STXBP5: variants seen among roughly 807,000 people sequenced by gnomAD.
STXBP5 encodes the protein syntaxin binding protein 5.
STXBP5 carries 50 observed loss-of-function variants against 152.4 expected under a neutral mutation model. That is an observed-to-expected ratio of 0.33 (90% CI 0.26 to 0.42). The LOEUF (loss-of-function observed/expected upper bound fraction) is 0.42. Among genes scored for constraint, STXBP5 ranks in the 10% least tolerant of loss-of-function variants. The probability of loss-of-function intolerance (pLI) is 1.00; values close to 1 mark genes in which losing one functional copy is unlikely to be tolerated. For synonymous variants in STXBP5, 492 were observed against 494.7 expected (o/e 0.99, Z 0.07); for missense variants, 1,167 against 1,388.6 (o/e 0.84, Z 2.54).
intron 25 of STXBP5, among the ~76,000 whole-genome samples, chr6:147,370,448 T>A (rs1785487806): frequency 6.6e-6 from 1 of 152,110 alleles, no homozygotes; most frequent in South Asian, 2.1e-4. Context: ...TTCAGGACTT[T>A]TAATTGTCAT....
chr6:147,318,129 A>G (rs1782733299), intron 16 of STXBP5, among the ~76,000 whole-genome samples: 1 of 152,208 alleles, frequency 6.6e-6, no homozygotes, highest in African/African-American at 2.4e-5. Context: ...GAGATCCAGC[A>G]GTATAAAACA....
At chr6:147,311,769 A>G (rs189583405) in intron 11 of STXBP5, among the ~76,000 whole-genome samples, 3 of 152,188 alleles carry the variant, frequency 2.0e-5, no homozygotes, top group African/African-American at 4.8e-5. Flanking sequence ...ACATGATTCA[A>G]CCTGACACTT....
intron 18 of STXBP5, among the ~76,000 whole-genome samples, chr6:147,330,246 A>G (rs1288270118): frequency 2.0e-5 from 3 of 152,174 alleles, no homozygotes; most frequent in Admixed American, 6.5e-5. Context: ...TTTGCTGGTC[A>G]TTTTATCATT....
chr6:147,236,772 TTCTG>T lies in STXBP5; in HGVS notation c.330+1445_330+1448del, dbSNP rs1236675101. Among the ~76,000 whole-genome samples, 102 of 151,448 alleles carry T rather than the reference TTCTG, an allele frequency of 6.7e-4. 1 individual carries two copies. Among genetic ancestry groups the T allele is most frequent in the African/African-American group, 2.4e-3 (99 of 41,158 alleles). ...TCAGTCCCTGGCAACTATTAACCTG[TTCTG>T]TCTTTTTTTTTTTTTTTTTTGAGAT... On this transcript the variant is annotated intron_variant, in intron 3 of 27. Coordinates refer to ENST00000321680, the MANE Select transcript of STXBP5 (RefSeq NM_001127715.4).
rs543319455 is a variant in STXBP5 at position 147,351,017 on chromosome 6, A to G, written c.2255-2306A>G. Among the ~76,000 whole-genome samples the G allele has an allele frequency of 5.9e-5, 9 of 152,286 alleles. No homozygotes were observed. In the South Asian group the frequency reaches 1.9e-3, roughly 32 times the overall value. On this transcript the variant is annotated intron_variant, in intron 21 of 27. Coordinates refer to ENST00000321680, the MANE Select transcript of STXBP5 (RefSeq NM_001127715.4). Reference sequence around the variant, plus strand: ...CCACTATACTTATTCTTCCACGTTTATTGAGGCTTGTTCACAAAATGTTTT... The same window carrying G: ...CCACTATACTTATTCTTCCACGTTTGTTGAGGCTTGTTCACAAAATGTTTT...
At chr6:147,243,135 G>C (rs537114950) in intron 4 of STXBP5, among the ~76,000 whole-genome samples, 4 of 152,222 alleles carry the variant, frequency 2.6e-5, no homozygotes, top group African/African-American at 9.6e-5. Flanking sequence ...TCATATGCTA[G>C]ACTATCTTTG....
Position 147,278,086 on chromosome 6 carries a change from C to G in STXBP5, c.720C>G (p.Ile240Met). Residue 240 changes from isoleucine to methionine, a missense_variant, in exon 8 of 28, where the codon ATC becomes ATG. Physicochemically the swap from Ile to Met is conservative, Grantham distance 10. Around this residue, in one of 3 missense-constraint regions of STXBP5, gnomAD observed 310 missense variants for 346.1 expected, o/e 0.90. Coordinates refer to ENST00000321680, the MANE Select transcript of STXBP5 (RefSeq NM_001127715.4). ...ADYRYTYDEAIHSVAWHHEGK... is the reference protein window; with the variant it reads ...ADYRYTYDEAMHSVAWHHEGK... ...TATTTTTCATCCTTCTATAGGCTAT[C>G]CACTCTGTTGCTTGGCATCATGAAG... is the stretch of plus-strand genomic sequence containing the variant. 1 of 1,610,920 alleles carries G rather than the reference C, an allele frequency of 6.2e-7. No homozygotes were observed. The highest frequency in any genetic ancestry group is 8.5e-7 in the Non-Finnish European group (1 of 1,177,912).
chr6:147,241,567 T>C (rs1165391351), intron 4 of STXBP5, among the ~76,000 whole-genome samples: 3 of 152,216 alleles, frequency 2.0e-5, no homozygotes, highest in African/African-American at 7.2e-5. Context: ...GTATATATGA[T>C]GGTGGTCCCA....
intron 13 of STXBP5, 61 bp downstream of exon 13, chr6:147,314,392 C>A: frequency 6.8e-7 from 1 of 1,460,010 alleles, no homozygotes; most frequent in Non-Finnish European, 9.6e-7. Context: ...TTGATTGAGA[C>A]TACATGAATG....
chr6:147,328,612 A>G (rs1783394584), intron 18 of STXBP5: 1 of 378,540 alleles, frequency 2.6e-6, no homozygotes, highest in Non-Finnish European at 5.4e-6. Flanking sequence ...GTCATGTAAT[A>G]TCTTCAGCAG....
intron 2 of STXBP5, among the ~76,000 whole-genome samples, chr6:147,212,334 G>C (rs181963029): frequency 6.6e-5 from 10 of 152,228 alleles, no homozygotes; most frequent in Admixed American, 2.0e-4. Context: ...TTTGTTTTCT[G>C]TTTGGTTTTC....
At chr6:147,236,466 C>T (rs1241315395) in intron 3 of STXBP5, among the ~76,000 whole-genome samples, 1 of 152,094 alleles carries the variant, frequency 6.6e-6, no homozygotes, top group African/African-American at 2.4e-5. Context: ...CTTCTTTTAG[C>T]TTCTCCCAAT....
intron 25 of STXBP5, among the ~76,000 whole-genome samples, chr6:147,365,756 T>C (rs531053356): frequency 8.5e-4 from 129 of 152,318 alleles, no homozygotes; most frequent in Non-Finnish European, 1.4e-3. Flanking sequence ...TTGAAGACTA[T>C]GATGAACTTG....
intron 13 of STXBP5, 74 bp from the exon 14 acceptor site, chr6:147,314,522 T>C: frequency 1.3e-6 from 2 of 1,497,702 alleles, no homozygotes; most frequent in Non-Finnish European, 9.1e-7. Context: ...TGTTGACTTT[T>C]TAATAGCAGT....
At chr6:147,312,118 A>G (rs780126363) in intron 11 of STXBP5, among the ~76,000 whole-genome samples, 1 of 152,160 alleles carries the variant, frequency 6.6e-6, no homozygotes, top group Non-Finnish European at 1.5e-5. Flanking sequence ...GTCTTCTCCT[A>G]TGTAATTCCC....
chr6:147,235,147 A>G (rs1778206837), intron 2 of STXBP5, 103 bp from the exon 3 acceptor site: 5 of 916,942 alleles, frequency 5.5e-6, no homozygotes, highest in South Asian at 1.6e-5. Context: ...AATGGCCTGT[A>G]TTGAATATGA....
intron 18 of STXBP5, 87 bp downstream of exon 18, chr6:147,327,363 T>C: frequency 6.9e-7 from 1 of 1,442,524 alleles, no homozygotes; most frequent in African/African-American, 1.4e-5. Flanking sequence ...TATAGTTAGG[T>C]AAATAGCTTG....
chr6:147,315,407 TGTA>T lies in STXBP5; in HGVS notation c.1403-105_1403-103del, dbSNP rs771101928. On this transcript the variant is annotated intron_variant, in intron 14 of 27. Coordinates refer to ENST00000321680, the MANE Select transcript of STXBP5 (RefSeq NM_001127715.4). ...CGTAAATTGAGAAATGAAAATATGA[TGTA>T]GTTAAATATGGACCATTTTCTATAC... 1.2e-3 allele frequency: 811 copies of T among 656,728 alleles called. 3 individuals are homozygous for T. Among genetic ancestry groups the T allele is most frequent in the Non-Finnish European group, 1.5e-3 (576 of 394,926 alleles). The allele number at this position is 656,728 out of a possible 1,614,324, so 40.7% of individuals were successfully genotyped here.
chr6:147,305,166 A>G (rs1304829893), intron 9 of STXBP5, among the ~76,000 whole-genome samples: 1 of 152,220 alleles, frequency 6.6e-6, no homozygotes, highest in Non-Finnish European at 1.5e-5. Flanking sequence ...CTGAGTGTAG[A>G]CACTTGAATG....
Sources: gnomAD v4.1 joint callset for allele counts (sites outside exome capture counted in the v4.1 genomes callset) on GRCh38, gnomAD v4.1.1 for gene constraint, gnomAD v4.1.1 regional missense constraint, MANE v1.5 for transcripts, NCBI Gene and HGNC (gene_info 2026-07-23, HGNC 2026-07-21) for gene names.